The following RABEP1 variants were observed in gnomAD, a reference collection of about 807,000 sequenced individuals.
The protein encoded by RABEP1 is rabaptin, RAB GTPase binding effector protein 1.
Under a neutral mutation model 123.4 loss-of-function variants are expected in RABEP1, and 51 were observed. That is an observed-to-expected ratio of 0.41 (90% CI 0.33 to 0.52). RABEP1 has a LOEUF of 0.52. Ranked by LOEUF, RABEP1 falls within the 20% of genes least tolerant of loss-of-function variation. The probability of loss-of-function intolerance (pLI) is 0.16; values close to 1 mark genes in which losing one functional copy is unlikely to be tolerated. For synonymous variants in RABEP1, 347 were observed against 355.2 expected, an observed-to-expected ratio of 0.98 and a Z score of 0.26; for missense variants, 888 against 996.3, an observed-to-expected ratio of 0.89 and a Z score of 1.46.
intron 5 of RABEP1, 73 bp downstream of exon 5, chr17:5,338,211 A>G: frequency 6.9e-7 from 1 of 1,456,662 alleles, no homozygotes; most frequent in Middle Eastern, 1.8e-4. Flanking sequence ...AATTAGAATC[A>G]GTAATAGGGA....
rs745593561 is a variant in RABEP1 at position 5,332,531 on chromosome 17, T to C, written c.367+379T>C. Among the ~76,000 whole-genome samples, 28 of 152,148 alleles carry C rather than the reference T, an allele frequency of 1.8e-4. 1 individual carries two copies. Among genetic ancestry groups the C allele is most frequent in the Non-Finnish European group, 1.8e-4 (12 of 68,012 alleles). ...GCTGCCATGCAAAGGGTAAAGTAAC[T>C]GTTTACATTGATGAGCTTCAGCTAA... On this transcript the variant is annotated intron_variant, in intron 3 of 17. Transcript: ENST00000537505.
chr17:5,354,231 GAAGCGT>G, intron 7 of RABEP1, 122 bp from the exon 8 acceptor site: 1 of 787,812 alleles, frequency 1.3e-6, no homozygotes, highest in Non-Finnish European at 1.9e-6. Context: ...ACAAAACAAA[GAAGCGT>G]AAGTATCCAG....
At chr17:5,352,851 AAG>A (rs1026688724) in intron 7 of RABEP1, among the ~76,000 whole-genome samples, 5 of 152,076 alleles carry the variant, frequency 3.3e-5, no homozygotes, top group Admixed American at 6.5e-5. Context: ...AACAAAAACA[AAG>A]AGTCTAAACT....
intron 2 of RABEP1, among the ~76,000 whole-genome samples, chr17:5,323,812 A>T (rs938432708): frequency 3.3e-5 from 3 of 90,396 alleles, no homozygotes; most frequent in Admixed American, 1.1e-4. Context: ...ATATATATAT[A>T]TCTAGGAATA....
chr17:5,317,900 A>G (rs1217903092), intron 2 of RABEP1, among the ~76,000 whole-genome samples: 1 of 152,190 alleles, frequency 6.6e-6, no homozygotes. Flanking sequence ...CATGTAATAA[A>G]GCCTCTAATA....
intron 5 of RABEP1, among the ~76,000 whole-genome samples, chr17:5,344,100 A>G (rs1336736409): frequency 6.6e-6 from 1 of 152,224 alleles, no homozygotes; most frequent in Non-Finnish European, 1.5e-5. Flanking sequence ...AAGAGAAGCT[A>G]CAGACTATAA....
intron 7 of RABEP1, 45 bp from the exon 8 acceptor site, chr17:5,354,314 A>C (rs763933491): frequency 6.5e-7 from 1 of 1,530,738 alleles, no homozygotes; most frequent in Non-Finnish European, 8.9e-7. Context: ...GTCACTTATT[A>C]AGTAGGTTAC....
rs200362682 is a variant in RABEP1, at chr17:5,379,653, CTT to C, written c.2272-709_2272-708del. ...CATCCTTTCCATTCTAGCTGCCACTCTTTGAGTTCAGACTTCACTCTCACCTG... is the reference window on the plus strand; with the variant it reads ...CATCCTTTCCATTCTAGCTGCCACTCTGAGTTCAGACTTCACTCTCACCTG... On this transcript the variant is annotated intron_variant, in intron 15 of 17. Transcript: ENST00000537505. 8.9e-3 allele frequency among the ~76,000 whole-genome samples: 1,358 copies of C among 152,298 alleles called. 26 individuals are homozygous for C. Among genetic ancestry groups the C allele is most frequent in the African/African-American group, 0.031 (1,274 of 41,540 alleles).
chr17:5,367,969 C>T lies in RABEP1; in HGVS notation c.1786-401C>T, dbSNP rs182596781. 1.2e-4 allele frequency among the ~76,000 whole-genome samples: 18 copies of T among 150,906 alleles called. 1 individual carries two copies. In the East Asian group the frequency reaches 3.7e-3, roughly 31 times the overall value. The stretch of plus-strand genomic sequence containing the variant: ...ATGGGGTTTTACCATGCAGGCCAGG[C>T]TGGTCTCGAACTCCTGACCTCAGGT... On this transcript the variant is annotated intron_variant, in intron 11 of 17. Transcript: ENST00000537505.
rs1567522076 is a variant in RABEP1 at position 5,323,761 on chromosome 17, TATATATATATATCTAGGA to T, written c.164-8175_164-8158del. Reference sequence around the variant, plus strand: ...CTAGGAATATATATATATCTAGGAATATATATATATATCTAGGAATATATATATATATCTAGGAATATA... The same window carrying T: ...CTAGGAATATATATATATCTAGGAATATATATATATATATCTAGGAATATA... On this transcript the variant is annotated intron_variant, in intron 2 of 17. Coordinates refer to ENST00000537505, the MANE Select transcript of RABEP1 (RefSeq NM_004703.6). Among the ~76,000 whole-genome samples the T allele has an allele frequency of 4.4e-5, 3 of 67,630 alleles. 1 individual carries two copies. Among genetic ancestry groups the T allele is most frequent in the Admixed American group, 1.7e-4 (1 of 5,722 alleles). The allele number at this position is 67,630 out of a possible 152,430, so 44.4% of individuals were successfully genotyped here.
Position 5,374,812 on chromosome 17 carries a change from A to T in RABEP1, c.2025+1358A>T, listed in dbSNP as rs1036440385. Among the ~76,000 whole-genome samples, 7 of 152,010 alleles carry T rather than the reference A, an allele frequency of 4.6e-5. No homozygotes were observed. The East Asian group carries it at 1.2e-3, about 25-fold the overall frequency. ...TGCCACTGTGCCTGGCAAATTTTTT[A>T]AAATATTTTTTAGTAGAGATGGGGT... On this transcript the variant is annotated intron_variant, in intron 13 of 17. Transcript: ENST00000537505.
chr17:5,337,159 CA>C (rs1300241063), intron 4 of RABEP1, among the ~76,000 whole-genome samples: 2 of 152,128 alleles, frequency 1.3e-5, no homozygotes, highest in African/African-American at 4.8e-5. Flanking sequence ...CTTGGGAAAG[CA>C]ATGATAGTTT....
chr17:5,381,368 T>C, intron 16 of RABEP1, 21 bp from the exon 17 acceptor site: 4 of 1,605,784 alleles, frequency 2.5e-6, no homozygotes, highest in Middle Eastern at 1.7e-4. Context: ...TTAATCTTCA[T>C]TCAAAACTTG....
chr17:5,290,060 T>A (rs920172296), intron 1 of RABEP1, among the ~76,000 whole-genome samples: 1 of 152,224 alleles, frequency 6.6e-6, no homozygotes, highest in Non-Finnish European at 1.5e-5. Context: ...TCTTATGTAG[T>A]CATTAATTTG....
intron 1 of RABEP1, among the ~76,000 whole-genome samples, chr17:5,301,520 C>T (rs910420189): frequency 1.3e-5 from 2 of 152,148 alleles, no homozygotes; most frequent in Non-Finnish European, 2.9e-5. Flanking sequence ...TTTTAATGGT[C>T]TTCTAGGGCA....
chr17:5,379,085 T>C (rs956562665), intron 15 of RABEP1, among the ~76,000 whole-genome samples: 1 of 152,180 alleles, frequency 6.6e-6, no homozygotes, highest in African/African-American at 2.4e-5. Context: ...CAGCCTTTCA[T>C]GTGTCCTAAG....
intron 15 of RABEP1, chr17:5,378,513 T>C (rs1386686557): frequency 8.1e-6 from 4 of 492,404 alleles, no homozygotes; most frequent in Non-Finnish European, 1.5e-5. Flanking sequence ...GGTCATAACA[T>C]GTTATATGCT....
chr17:5,310,749 A>G (rs561785945), intron 2 of RABEP1, among the ~76,000 whole-genome samples: 22 of 151,210 alleles, frequency 1.5e-4, no homozygotes, highest in African/African-American at 4.1e-4. Flanking sequence ...TCTTCTTTAC[A>G]TCTCCTTTAG....
intron 1 of RABEP1, among the ~76,000 whole-genome samples, chr17:5,292,862 A>T (rs1016427094): frequency 6.6e-6 from 1 of 152,078 alleles, no homozygotes; most frequent in African/African-American, 2.4e-5. Context: ...TTGTATTTTT[A>T]GTAGAGATAA....
Sources: gnomAD v4.1 joint callset for allele counts (sites outside exome capture counted in the v4.1 genomes callset) on GRCh38, gnomAD v4.1.1 for gene constraint, MANE v1.5 for transcripts, NCBI Gene and HGNC (gene_info 2026-07-23, HGNC 2026-07-21) for gene names.